BCAR3: variants seen among roughly 807,000 people sequenced by gnomAD.
BCAR3 encodes BCAR3 adaptor protein, NSP family member.
A neutral mutation model predicts 80.1 loss-of-function variants in BCAR3; 37 were observed. That is an observed-to-expected ratio of 0.46 (90% CI 0.36 to 0.61). The LOEUF is 0.61. Ranked by LOEUF, BCAR3 falls within the 20% of genes least tolerant of loss-of-function variation. The pLI, the probability that BCAR3 is intolerant of heterozygous loss-of-function variation, is 0.00. For missense variants in BCAR3, 978 were observed against 1,068.2 expected, an observed-to-expected ratio of 0.92 and a Z score of 1.18; for synonymous variants, 389 against 418.9, an observed-to-expected ratio of 0.93 and a Z score of 0.87.
chr1:93,601,999 A>G (rs1386276057), intron 3 of BCAR3: 1 of 152,240 alleles, frequency 6.6e-6, no homozygotes, highest in Non-Finnish European at 1.5e-5. Flanking sequence ...ATTGTATCAA[A>G]CAACTCCACA....
chr1:93,787,098 C>T (rs1199904440), intron 2 of BCAR3, among the ~76,000 whole-genome samples: 1 of 152,166 alleles, frequency 6.6e-6, no homozygotes, highest in South Asian at 2.1e-4. Flanking sequence ...GACATTTCTC[C>T]TGCAGTTTAT....
At chr1:93,749,356 A>C (rs1259790180) in intron 2 of BCAR3, among the ~76,000 whole-genome samples, 1 of 152,040 alleles carries the variant, frequency 6.6e-6, no homozygotes, top group Non-Finnish European at 1.5e-5. Flanking sequence ...TGGGAGGCCG[A>C]GGTGGGCGGA....
At chr1:93,750,924 C>T (rs1047573082) in intron 2 of BCAR3, among the ~76,000 whole-genome samples, 41 of 152,248 alleles carry the variant, frequency 2.7e-4, no homozygotes, top group Non-Finnish European at 7.4e-5. Context: ...ATTTCTGACC[C>T]GCAGAATCCA....
chr1:93,730,476 G>T (rs974495818), intron 2 of BCAR3, among the ~76,000 whole-genome samples: 1 of 152,220 alleles, frequency 6.6e-6, no homozygotes, highest in Non-Finnish European at 1.5e-5. Context: ...GCAGAGTGCT[G>T]TACATTTGTG....
rs191196695 is a variant in BCAR3, at chr1:93,769,523, G to A, written c.-62-63381C>T. ...CTTGAGGACAGAACAATAGGCAAAG[G>A]ACTCAAATTGCACCACCAGAGAATT... On this transcript the variant is annotated intron_variant, in intron 2 of 13. Coordinates refer to the BCAR3 transcript ENST00000370244. Among the ~76,000 whole-genome samples, 125 of 151,702 alleles carry A rather than the reference G, an allele frequency of 8.2e-4. 1 individual carries two copies. Among genetic ancestry groups the A allele is most frequent in the African/African-American group, 2.7e-3 (111 of 41,354 alleles).
intron 3 of BCAR3, among the ~76,000 whole-genome samples, chr1:93,641,054 T>C (rs192750034): frequency 3.9e-5 from 6 of 152,350 alleles, no homozygotes; most frequent in Non-Finnish European, 8.8e-5. Flanking sequence ...CACAGATACA[T>C]ATTTATAAAG....
chr1:93,576,126 C>G lies in BCAR3; in HGVS notation c.1690G>C (p.Ala564Pro). The change falls in exon 8 of 12, where the codon GCT becomes CCT. Residue 564 changes from alanine (A) to proline (P), a missense_variant. Coordinates refer to ENST00000260502, the MANE Select transcript of BCAR3 (RefSeq NM_003567.4). ...TCTTCAGAGACTCCAAGTATCCTAG[C>G]AACCTGTCAAGAGCCAAAGTTGAAA... Reference protein sequence around the residue: ...QHVLSMDCRVARILGVSEEMR... With the variant: ...QHVLSMDCRVPRILGVSEEMR... The G allele has an allele frequency of 6.2e-7, 1 of 1,613,970 alleles. No individual in the cohort carries two copies. Among genetic ancestry groups the G allele is most frequent in the Non-Finnish European group, 8.5e-7 (1 of 1,179,868 alleles).
At chr1:93,719,334 G>GGT (rs1650301955) in intron 2 of BCAR3, among the ~76,000 whole-genome samples, 1 of 73,206 alleles carries the variant, frequency 1.4e-5, no homozygotes, top group Non-Finnish European at 2.4e-5. Context: ...AAACTTTCTT[G>GGT]TTTTTTTTTT....
intron 2 of BCAR3, among the ~76,000 whole-genome samples, chr1:93,709,182 C>T (rs1305239933): frequency 1.3e-5 from 2 of 152,170 alleles, no homozygotes; most frequent in African/African-American, 4.8e-5. Flanking sequence ...GAGGGGGAGT[C>T]CACAGGCTGC....
At chr1:93,700,985 G>C (rs1206694336) in intron 3 of BCAR3, among the ~76,000 whole-genome samples, 1 of 152,224 alleles carries the variant, frequency 6.6e-6, no homozygotes, top group Non-Finnish European at 1.5e-5. Context: ...ATGGTGTGCT[G>C]TTAAAAGCAC....
chr1:93,634,431 C>T (rs141784860), intron 3 of BCAR3, among the ~76,000 whole-genome samples: 5,217 of 152,092 alleles, frequency 0.034, 112 homozygotes, highest in African/African-American at 0.058. Context: ...GTGGCTCATG[C>T]CTATAATCCC....
In BCAR3 at chr1:93,755,034, C is replaced by T. The variant is rs78047427; in HGVS notation, c.-62-48892G>A. 9.2e-3 allele frequency among the ~76,000 whole-genome samples: 1,393 copies of T among 151,852 alleles called. 22 individuals carry two copies. The highest frequency in any genetic ancestry group is 0.032 in the African/African-American group (1,345 of 41,388). On this transcript the variant is annotated intron_variant, in intron 2 of 13. Transcript: ENST00000370244. ...TGACCCTGCCTAGGCTGAGGCTAATCGTGTGTGCTTGTGTCTTAGTTTTTA... is the reference window on the plus strand; with the variant it reads ...TGACCCTGCCTAGGCTGAGGCTAATTGTGTGTGCTTGTGTCTTAGTTTTTA...
chr1:93,583,192 C>T (rs540952290), intron 6 of BCAR3, among the ~76,000 whole-genome samples: 15 of 152,232 alleles, frequency 9.9e-5, no homozygotes, highest in African/African-American at 3.1e-4. Flanking sequence ...ATAGAAATCC[C>T]GGGGACTGCT....
At chr1:93,584,235 G>A (rs574756705) in intron 5 of BCAR3, 114 bp from the exon 6 acceptor site, 5 of 868,724 alleles carry the variant, frequency 5.8e-6, no homozygotes, top group Admixed American at 2.8e-5. Flanking sequence ...TGCTCAGAAC[G>A]AGAGTGCTAC....
chr1:93,711,257 A>G (rs1397910913), intron 2 of BCAR3, among the ~76,000 whole-genome samples: 3 of 152,248 alleles, frequency 2.0e-5, no homozygotes, highest in Non-Finnish European at 2.9e-5. Context: ...CTCTGGGGCC[A>G]TCGTGGGAGG....
intron 3 of BCAR3, among the ~76,000 whole-genome samples, chr1:93,694,486 T>G: frequency 6.6e-6 from 1 of 152,182 alleles, no homozygotes; most frequent in East Asian, 1.9e-4. Context: ...CACTCCACTC[T>G]CCATGGCTCT....
upstream of BCAR3, among the ~76,000 whole-genome samples, chr1:93,684,738 T>C (rs1311664113): frequency 6.6e-6 from 1 of 152,198 alleles, no homozygotes; most frequent in Non-Finnish European, 1.5e-5. Flanking sequence ...TTGTTTTTTG[T>C]TTTTTGTTTT....
intron 2 of BCAR3, among the ~76,000 whole-genome samples, chr1:93,725,397 G>A (rs367848870): frequency 1.3e-5 from 2 of 152,212 alleles, no homozygotes; most frequent in East Asian, 1.9e-4. Flanking sequence ...TAATGAGGCC[G>A]AGCATCTTTC....
At chr1:93,683,512 T>C (rs1648872316), upstream of BCAR3, among the ~76,000 whole-genome samples, 1 of 152,244 alleles carries the variant, frequency 6.6e-6, no homozygotes, top group African/African-American at 2.4e-5. Flanking sequence ...ATGTTTATAA[T>C]GTATCTCTTT....
Sources: allele counts gnomAD v4.1 joint callset (sites outside exome capture counted in the v4.1 genomes callset), GRCh38; gene constraint gnomAD v4.1.1; transcripts MANE v1.5; gene names NCBI Gene and HGNC (gene_info 2026-07-23, HGNC 2026-07-21).